The following STXBP5L variants were observed in gnomAD, a reference collection of about 807,000 sequenced individuals.
STXBP5L encodes the protein syntaxin binding protein 5L.
A neutral mutation model predicts 144.5 loss-of-function variants in STXBP5L; 65 were observed. That is an observed-to-expected ratio of 0.45 (90% CI 0.37 to 0.55). The LOEUF is 0.55. STXBP5L is among the 20% of genes least tolerant of loss of function. The pLI, the probability that STXBP5L is intolerant of heterozygous loss-of-function variation, is 0.00. For missense variants in STXBP5L, 1,298 were observed against 1,405.5 expected (o/e 0.92, Z 1.22); for synonymous variants, 505 against 469.6 (o/e 1.08, Z -0.97).
intron 7 of STXBP5L, among the ~76,000 whole-genome samples, chr3:121,128,427 G>A (rs1403151575): frequency 6.6e-6 from 1 of 152,060 alleles, no homozygotes; most frequent in East Asian, 1.9e-4. Flanking sequence ...TGTTCCCTAG[G>A]AGGCTTCTGA....
intron 22 of STXBP5L, among the ~76,000 whole-genome samples, chr3:121,404,259 A>G (rs1234922311): frequency 6.6e-6 from 1 of 152,030 alleles, no homozygotes; most frequent in Non-Finnish European, 1.5e-5. Context: ...CATACCCTAA[A>G]TCCAATTTGT....
At chr3:120,975,713 G>A (rs1339204528) in intron 3 of STXBP5L, among the ~76,000 whole-genome samples, 6 of 152,024 alleles carry the variant, frequency 3.9e-5, no homozygotes, top group Non-Finnish European at 8.8e-5. Context: ...TTTGAGATAC[G>A]TCCCATCAAT....
chr3:121,347,497 G>T lies in STXBP5L; in HGVS notation c.2176+28957G>T, dbSNP rs550192881. On this transcript the variant is annotated intron_variant, in intron 20 of 26. Transcript: ENST00000471454. ...AGTTTTTTCCAATTCTGTGAAGAAA[G>T]TCATTTGGTAACTTGATGGGGATGG... is the stretch of plus-strand genomic sequence containing the variant. Among the ~76,000 whole-genome samples, 3 of 152,254 alleles carry T rather than the reference G, an allele frequency of 2.0e-5. No homozygotes were observed. The East Asian group carries it at 5.8e-4, about 29-fold the overall frequency.
chr3:121,320,319 A>T (rs905008046), intron 20 of STXBP5L, among the ~76,000 whole-genome samples: 1 of 152,106 alleles, frequency 6.6e-6, no homozygotes, highest in South Asian at 2.1e-4. Flanking sequence ...AGAATATGAA[A>T]ATACAGCTAA....
At chr3:121,252,885 A>G (rs1011939421) in intron 15 of STXBP5L, among the ~76,000 whole-genome samples, 2 of 152,146 alleles carry the variant, frequency 1.3e-5, no homozygotes, top group African/African-American at 4.8e-5. Context: ...TTCTCTTCCA[A>G]GCTTATGTAA....
chr3:121,172,065 G>A (rs1165607260), intron 9 of STXBP5L, among the ~76,000 whole-genome samples: 1 of 152,082 alleles, frequency 6.6e-6, no homozygotes, highest in African/African-American at 2.4e-5. Flanking sequence ...ACAACCACCT[G>A]CTCTTTGACA....
At chr3:121,200,329 T>G (rs918577459) in intron 9 of STXBP5L, among the ~76,000 whole-genome samples, 2 of 152,198 alleles carry the variant, frequency 1.3e-5, no homozygotes, top group African/African-American at 4.8e-5. Flanking sequence ...AGTGGTGATA[T>G]CCCCTTTATC....
intron 20 of STXBP5L, among the ~76,000 whole-genome samples, chr3:121,351,180 C>G (rs933970880): frequency 9.9e-5 from 15 of 152,264 alleles, no homozygotes; most frequent in East Asian, 9.6e-4. Flanking sequence ...TTCTAACAGT[C>G]AGGACCCTCA....
chr3:121,074,769 A>G (rs2041953903), intron 5 of STXBP5L, among the ~76,000 whole-genome samples: 1 of 152,078 alleles, frequency 6.6e-6, no homozygotes, highest in Non-Finnish European at 1.5e-5. Context: ...GTGCCCCCTT[A>G]CGGTGTAAAG....
chr3:121,318,198 C>T (rs967312916), intron 19 of STXBP5L, among the ~76,000 whole-genome samples: 53 of 152,130 alleles, frequency 3.5e-4, no homozygotes, highest in Middle Eastern at 3.4e-3. Flanking sequence ...TGGCTCACAC[C>T]TGTAATCCCA....
rs142143269 is a variant in STXBP5L, at chr3:121,251,849, A to G, written c.1441+1086A>G. Among the ~76,000 whole-genome samples, 209 of 152,332 alleles carry G rather than the reference A, an allele frequency of 1.4e-3. 1 individual carries two copies. The highest frequency in any genetic ancestry group is 4.8e-3 in the African/African-American group (201 of 41,582). On this transcript the variant is annotated intron_variant, in intron 15 of 26. Transcript: ENST00000471454. The stretch of plus-strand genomic sequence containing the variant: ...TGAGCAAGCAAACTAACTATCAGCA[A>G]GAGAAAAGGATTAAAAGATCTAAAC...
intron 9 of STXBP5L, among the ~76,000 whole-genome samples, chr3:121,186,707 T>A (rs548670279): frequency 3.3e-5 from 5 of 152,336 alleles, no homozygotes; most frequent in Admixed American, 3.3e-4. Flanking sequence ...AGTATTTTAC[T>A]GAGGATTTTT....
intron 3 of STXBP5L, among the ~76,000 whole-genome samples, chr3:120,999,702 A>G (rs1040764710): frequency 1.3e-5 from 2 of 151,742 alleles, no homozygotes; most frequent in African/African-American, 4.8e-5. Flanking sequence ...TGTTTTTGTG[A>G]TGGGTGGTAA....
intron 5 of STXBP5L, among the ~76,000 whole-genome samples, chr3:121,079,537 C>T (rs1385672177): frequency 6.6e-6 from 1 of 152,210 alleles, no homozygotes; most frequent in Non-Finnish European, 1.5e-5. Context: ...ATTTCTATTA[C>T]TGCTACTATT....
chr3:121,197,072 A>G (rs1288918386), intron 9 of STXBP5L, among the ~76,000 whole-genome samples: 1 of 151,992 alleles, frequency 6.6e-6, no homozygotes, highest in Non-Finnish European at 1.5e-5. Context: ...TAAGCTGCAT[A>G]CTGGAGTTTT....
At chr3:121,028,381 A>G (rs1362201890) in intron 3 of STXBP5L, among the ~76,000 whole-genome samples, 1 of 152,078 alleles carries the variant, frequency 6.6e-6, no homozygotes, top group African/African-American at 2.4e-5. Flanking sequence ...AACTTGCTTG[A>G]TCAATGGCTG....
At chr3:121,210,505 C>T (rs1178183039) in intron 10 of STXBP5L, among the ~76,000 whole-genome samples, 9 of 152,128 alleles carry the variant, frequency 5.9e-5, no homozygotes, top group Non-Finnish European at 7.3e-5. Flanking sequence ...AGTCCTTGCC[C>T]CTGCCTATGT....
At chr3:121,373,376 T>C (rs1396028083) in intron 20 of STXBP5L, among the ~76,000 whole-genome samples, 1 of 152,076 alleles carries the variant, frequency 6.6e-6, no homozygotes, top group East Asian at 1.9e-4. Flanking sequence ...CTTCCTGGAG[T>C]CCACAAGACT....
intron 3 of STXBP5L, among the ~76,000 whole-genome samples, chr3:120,978,940 G>T (rs924292193): frequency 6.6e-6 from 1 of 152,176 alleles, no homozygotes; most frequent in African/African-American, 2.4e-5. Flanking sequence ...CGTGTGAGGT[G>T]TCAGTCTGCC....
Sources: allele counts gnomAD v4.1 joint callset (sites outside exome capture counted in the v4.1 genomes callset), GRCh38; gene constraint gnomAD v4.1.1; transcripts MANE v1.5; gene names NCBI Gene and HGNC (gene_info 2026-07-23, HGNC 2026-07-21).